The following DLGAP2 variants were observed in gnomAD, a reference collection of about 807,000 sequenced individuals.
The protein encoded by DLGAP2 is disks large-associated protein 2.
In DLGAP2, 26 loss-of-function variants were observed where a neutral mutation model predicts 100.3. That is an observed-to-expected ratio of 0.26 (90% confidence interval 0.19 to 0.36). DLGAP2 has a LOEUF of 0.36. DLGAP2 is among the 10% of genes least tolerant of loss of function. The pLI is 1.00. For missense variants in DLGAP2, 1,858 were observed against 1,453.2 expected (o/e 1.28, Z -4.53); for synonymous variants, 886 against 630.1 (o/e 1.41, Z -6.08).
intron 2 of DLGAP2, among the ~76,000 whole-genome samples, chr8:1,089,967 G>T (rs570980614): frequency 8.5e-5 from 13 of 152,316 alleles, no homozygotes; most frequent in Non-Finnish European, 1.5e-4. Context: ...GACTTGGGGG[G>T]CTGTGGAAAC....
chr8:1,657,063 A>G (rs564882793), intron 8 of DLGAP2, among the ~76,000 whole-genome samples: 1 of 152,328 alleles, frequency 6.6e-6, no homozygotes, highest in East Asian at 1.9e-4. Flanking sequence ...GGCTTTAAAA[A>G]CCAAACAGAT....
intron 1 of DLGAP2, among the ~76,000 whole-genome samples, chr8:781,459 C>G (rs1821684994): frequency 6.6e-6 from 1 of 151,908 alleles, no homozygotes; most frequent in Non-Finnish European, 1.5e-5. Flanking sequence ...AAATGCAAAC[C>G]TGAATGCAAA....
In DLGAP2 at chr8:1,428,146, T is replaced by C. The variant is rs1584889735; in HGVS notation, c.107-73220T>C. 2.1e-5 allele frequency among the ~76,000 whole-genome samples: 3 copies of C among 142,824 alleles called. No individual in the cohort carries two copies. The South Asian group carries it at 6.9e-4, about 33-fold the overall frequency. The allele number at this position is 142,824 out of a possible 152,430, so 93.7% of individuals were successfully genotyped here. On this transcript the variant is annotated intron_variant, in intron 3 of 14. Coordinates refer to ENST00000637795, the MANE Select transcript of DLGAP2 (RefSeq NM_001346810.2). ...ATGATAAATATAAAATAAAAAATAA[T>C]CAAAATAGAAAACAAAATGCTAGTT...
At chr8:1,414,074 G>A (rs559712704) in intron 3 of DLGAP2, among the ~76,000 whole-genome samples, 1 of 152,318 alleles carries the variant, frequency 6.6e-6, no homozygotes, top group South Asian at 2.1e-4. Flanking sequence ...TCTGCTGTTA[G>A]TGTTGGGGAA....
At chr8:940,986 G>GC (rs1419282533) in intron 2 of DLGAP2, among the ~76,000 whole-genome samples, 1 of 152,096 alleles carries the variant, frequency 6.6e-6, no homozygotes, top group African/African-American at 2.4e-5. Context: ...GTTCAGGGAT[G>GC]CCCCCACCCA....
chr8:952,462 C>A (rs1484174451), intron 2 of DLGAP2, among the ~76,000 whole-genome samples: 2 of 152,178 alleles, frequency 1.3e-5, no homozygotes, highest in East Asian at 3.9e-4. Flanking sequence ...CATGGTGAAA[C>A]CCCGTCTCTA....
intron 6 of DLGAP2, among the ~76,000 whole-genome samples, chr8:1,622,689 T>C (rs1350977010): frequency 6.6e-6 from 1 of 152,158 alleles, no homozygotes; most frequent in African/African-American, 2.4e-5. Context: ...AACAAAAACA[T>C]TTCTGTGTTA....
intron 2 of DLGAP2, among the ~76,000 whole-genome samples, chr8:994,667 AG>A (rs751178729): frequency 6.6e-6 from 1 of 152,188 alleles, no homozygotes; most frequent in Non-Finnish European, 1.5e-5. Context: ...ATTTACACAC[AG>A]GGGCTGGAAC....
intron 4 of DLGAP2, among the ~76,000 whole-genome samples, chr8:1,507,238 C>G (rs149437183): frequency 6.6e-6 from 1 of 152,186 alleles, no homozygotes; most frequent in Non-Finnish European, 1.5e-5. Context: ...TTGGGCCGCG[C>G]GGGAGCCCAC....
intron 1 of DLGAP2, among the ~76,000 whole-genome samples, chr8:817,156 A>G (rs1265284109): frequency 6.6e-6 from 1 of 152,032 alleles, no homozygotes; most frequent in Admixed American, 6.5e-5. Context: ...AAAAAAAAAA[A>G]AAAGAAAGTT....
At chr8:1,078,063 G>A (rs1184150432) in intron 2 of DLGAP2, among the ~76,000 whole-genome samples, 1 of 152,098 alleles carries the variant, frequency 6.6e-6, no homozygotes, top group African/African-American at 2.4e-5. Flanking sequence ...ACCGGGACCC[G>A]GTGAGGGTTA....
chr8:1,040,210 C>T (rs1802291907), intron 2 of DLGAP2, among the ~76,000 whole-genome samples: 1 of 148,104 alleles, frequency 6.8e-6, no homozygotes, highest in African/African-American at 2.5e-5. Context: ...GCGTGGTCAG[C>T]TCGGTGTGCA....
At chr8:1,455,420 A>C (rs1362239447) in intron 3 of DLGAP2, among the ~76,000 whole-genome samples, 3 of 152,236 alleles carry the variant, frequency 2.0e-5, no homozygotes, top group African/African-American at 2.4e-5. Flanking sequence ...CTGGTCTGTC[A>C]GGACTCAGCT....
At chr8:1,478,431 G>A (rs1798996005) in intron 3 of DLGAP2, among the ~76,000 whole-genome samples, 1 of 152,204 alleles carries the variant, frequency 6.6e-6, no homozygotes, top group South Asian at 2.1e-4. Flanking sequence ...GCGGTGTGAA[G>A]AGCATGCTTT....
At chr8:982,883 A>ATT (rs35686773) in intron 2 of DLGAP2, among the ~76,000 whole-genome samples, 1,591 of 117,220 alleles carry the variant, frequency 0.014, 31 homozygotes, top group African/African-American at 0.036. Flanking sequence ...TAAAGGTAGG[A>ATT]TTTTTTTTTT....
chr8:1,606,951 C>T (rs1796819980), intron 6 of DLGAP2, among the ~76,000 whole-genome samples: 1 of 152,204 alleles, frequency 6.6e-6, no homozygotes, highest in East Asian at 1.9e-4. Context: ...TCCCAAAGTG[C>T]TGGGATTACA....
At chr8:893,058 A>T (rs983117068) in intron 1 of DLGAP2, 2 of 152,222 alleles carry the variant, frequency 1.3e-5, no homozygotes, top group Admixed American at 6.5e-5. Flanking sequence ...GCCCGGGGCT[A>T]AAGAGGCTGC....
chr8:1,391,197 CA>C (rs1402318067), intron 3 of DLGAP2, among the ~76,000 whole-genome samples: 2 of 152,178 alleles, frequency 1.3e-5, no homozygotes, highest in East Asian at 1.9e-4. Flanking sequence ...CAGAAGTTCC[CA>C]TGGGGACATT....
At chr8:884,822 G>A (rs533109625) in intron 1 of DLGAP2, among the ~76,000 whole-genome samples, 76 of 152,286 alleles carry the variant, frequency 5.0e-4, no homozygotes, top group African/African-American at 1.8e-3. Flanking sequence ...GTGTAAGGAA[G>A]GGGTCCATTG....
Sources: allele counts gnomAD v4.1 joint callset (sites outside exome capture counted in the v4.1 genomes callset), GRCh38; gene constraint gnomAD v4.1.1; transcripts MANE v1.5; gene names NCBI Gene and HGNC (gene_info 2026-07-23, HGNC 2026-07-21).